The following DIS3L2 variants were observed in gnomAD, a reference collection of about 807,000 sequenced individuals.
DIS3L2 encodes the protein DIS3-like exonuclease 2.
A neutral mutation model predicts 97.5 loss-of-function variants in DIS3L2; 34 were observed. The observed-to-expected ratio is 0.35, with a 90% CI of 0.27 to 0.46. DIS3L2 has a LOEUF of 0.46. Among genes scored for constraint, DIS3L2 ranks in the 20% least tolerant of loss-of-function variants. DIS3L2 has a pLI of 1.00. For synonymous variants in DIS3L2, 435 were observed against 445.2 expected, an observed-to-expected ratio of 0.98 and a Z score of 0.29; for missense variants, 1,038 against 1,146.0, an observed-to-expected ratio of 0.91 and a Z score of 1.36.
intron 12 of DIS3L2, among the ~76,000 whole-genome samples, chr2:232,251,569 C>G (rs1331957728): frequency 6.6e-6 from 1 of 152,162 alleles, no homozygotes; most frequent in African/African-American, 2.4e-5. Flanking sequence ...AGGAAATGCC[C>G]CATTCCTGGA....
chr2:232,029,549 A>G (rs1416968422), intron 4 of DIS3L2, among the ~76,000 whole-genome samples: 2 of 151,824 alleles, frequency 1.3e-5, no homozygotes, highest in Non-Finnish European at 2.9e-5. Context: ...GTAGAGTGTG[A>G]AGATCACGTG....
intron 1 of DIS3L2, among the ~76,000 whole-genome samples, chr2:231,997,056 G>C (rs141470423): frequency 6.6e-6 from 1 of 152,184 alleles, no homozygotes; most frequent in African/African-American, 2.4e-5. Flanking sequence ...GATTGTAAGC[G>C]CCATGAGAGT....
intron 5 of DIS3L2, among the ~76,000 whole-genome samples, chr2:232,067,282 C>T (rs1371995460): frequency 6.6e-6 from 1 of 152,190 alleles, no homozygotes; most frequent in African/African-American, 2.4e-5. Context: ...AGAGCTATAT[C>T]ATTTTCTCTA....
chr2:232,052,081 T>C (rs1183382592), intron 5 of DIS3L2, among the ~76,000 whole-genome samples: 2 of 151,814 alleles, frequency 1.3e-5, no homozygotes, highest in South Asian at 4.2e-4. Context: ...TGGAGTGCAG[T>C]GGTGCGATTT....
At chr2:232,077,955 C>CTT (rs1553605268) in intron 5 of DIS3L2, among the ~76,000 whole-genome samples, 324 of 108,802 alleles carry the variant, frequency 3.0e-3, no homozygotes, top group South Asian at 0.011. Context: ...TTCTTTCTTT[C>CTT]TCTTTCTTTC....
intron 9 of DIS3L2, among the ~76,000 whole-genome samples, chr2:232,169,759 G>A (rs560997822): frequency 2.6e-5 from 4 of 152,170 alleles, no homozygotes; most frequent in South Asian, 2.1e-4. Flanking sequence ...CTACATACCC[G>A]TTTAGGTTTG....
chr2:232,173,180 T>G (rs1691042005), intron 9 of DIS3L2, among the ~76,000 whole-genome samples: 1 of 152,200 alleles, frequency 6.6e-6, no homozygotes, highest in African/African-American at 2.4e-5. Context: ...CTTGTGTTTT[T>G]GGTGTCATAT....
chr2:232,191,197 T>G (rs1402073154), intron 9 of DIS3L2, among the ~76,000 whole-genome samples: 1 of 152,132 alleles, frequency 6.6e-6, no homozygotes, highest in Non-Finnish European at 1.5e-5. Context: ...CTGAAGATAT[T>G]TGTGCAAATT....
Position 232,051,190 on chromosome 2 carries a change from G to T in DIS3L2, c.366+21110G>T, listed in dbSNP as rs377627320. On this transcript the variant is annotated intron_variant, in intron 5 of 20. Coordinates refer to ENST00000325385, the MANE Select transcript of DIS3L2 (RefSeq NM_152383.5). ...TCCATTCTAGATCCTTTGTTTACTG[G>T]CTCTGGGCTTTAGGGGCCTCACCTA... Among the ~76,000 whole-genome samples the T allele has an allele frequency of 2.0e-5, 3 of 152,176 alleles. No individual in the cohort carries two copies. The East Asian group carries it at 5.8e-4, about 29-fold the overall frequency.
At chr2:232,221,298 A>AT (rs1285735294) in intron 10 of DIS3L2, among the ~76,000 whole-genome samples, 4 of 151,970 alleles carry the variant, frequency 2.6e-5, no homozygotes, top group Non-Finnish European at 5.9e-5. Context: ...TGTAGATCTT[A>AT]TTTTTAAGCT....
intron 9 of DIS3L2, among the ~76,000 whole-genome samples, chr2:232,187,204 G>A (rs1407698256): frequency 1.3e-5 from 2 of 152,034 alleles, no homozygotes; most frequent in Non-Finnish European, 2.9e-5. Flanking sequence ...ACCACAATGA[G>A]ATACCACTGT....
intron 1 of DIS3L2, among the ~76,000 whole-genome samples, chr2:231,982,316 C>T (rs988888345): frequency 2.0e-5 from 3 of 152,196 alleles, no homozygotes; most frequent in South Asian, 2.1e-4. Context: ...CACTTACTTA[C>T]AGCATGGTAG....
chr2:232,306,404 A>G (rs1304330550), intron 14 of DIS3L2, among the ~76,000 whole-genome samples: 1 of 152,178 alleles, frequency 6.6e-6, no homozygotes, highest in South Asian at 2.1e-4. Flanking sequence ...AACTGTATCA[A>G]CGTCTGATAC....
chr2:232,292,229 G>A lies in DIS3L2; in HGVS notation c.1660-7811G>A, dbSNP rs537148046. 1.1e-4 allele frequency among the ~76,000 whole-genome samples: 17 copies of A among 152,110 alleles called. No homozygotes were observed. The highest frequency in any genetic ancestry group is 2.2e-4 in the Non-Finnish European group (15 of 68,016). On this transcript the variant is annotated intron_variant, in intron 13 of 20. Coordinates refer to ENST00000325385, the MANE Select transcript of DIS3L2 (RefSeq NM_152383.5). This position sits in a 1 kb window ranked among gnomAD's most constrained non-coding sequence, Gnocchi z 4.4. The stretch of plus-strand genomic sequence containing the variant: ...TAATAGTTACATTAAAAGACTCAGT[G>A]GACACCCCTCCTTCTGCTTACCTAG...
chr2:232,254,997 T>A (rs1212460053), intron 12 of DIS3L2, among the ~76,000 whole-genome samples: 1 of 152,156 alleles, frequency 6.6e-6, no homozygotes, highest in Non-Finnish European at 1.5e-5. Context: ...GGTTGGTTAG[T>A]CCTGGGATGA....
chr2:232,224,993 A>C (rs1316632760), intron 10 of DIS3L2, among the ~76,000 whole-genome samples: 2 of 152,234 alleles, frequency 1.3e-5, no homozygotes, highest in Non-Finnish European at 2.9e-5. Context: ...CAATGGTCAA[A>C]CACATGAAAA....
At chr2:232,155,202 C>G (rs941834050) in intron 8 of DIS3L2, among the ~76,000 whole-genome samples, 3 of 110,922 alleles carry the variant, frequency 2.7e-5, no homozygotes, top group African/African-American at 9.0e-5. Context: ...CGGAGCTGTT[C>G]CTATTCAGCC....
At chr2:232,248,618 A>G (rs1326871542) in intron 11 of DIS3L2, among the ~76,000 whole-genome samples, 2 of 152,268 alleles carry the variant, frequency 1.3e-5, no homozygotes, top group African/African-American at 4.8e-5. Flanking sequence ...AGAAAGATCA[A>G]TAAGGAGAAG....
intron 6 of DIS3L2, among the ~76,000 whole-genome samples, chr2:232,104,941 C>G (rs940142192): frequency 3.9e-5 from 6 of 152,094 alleles, no homozygotes; most frequent in African/African-American, 9.7e-5. Context: ...CCTAAGCCTC[C>G]TGGAGTAGCT....
Sources: allele counts gnomAD v4.1 joint callset (sites outside exome capture counted in the v4.1 genomes callset), GRCh38; gene constraint gnomAD v4.1.1; non-coding constraint Gnocchi (gnomAD v3.1); transcripts MANE v1.5; gene names NCBI Gene and HGNC (gene_info 2026-07-23, HGNC 2026-07-21).